Variants in EHBP1 observed in about 807,000 individuals in gnomAD.
EHBP1 encodes the protein EH domain-binding protein 1.
A neutral mutation model predicts 144.0 loss-of-function variants in EHBP1; 55 were observed. That is an observed-to-expected ratio of 0.38 (90% CI 0.31 to 0.48). The LOEUF (loss-of-function observed/expected upper bound fraction) is 0.48. EHBP1 is among the 20% of genes least tolerant of loss of function. The pLI is 0.98. For missense variants in EHBP1, 1,200 were observed against 1,364.2 expected (o/e 0.88, Z 1.90); for synonymous variants, 469 against 472.7 (o/e 0.99, Z 0.10).
chr2:62,710,428 C>T (rs1056894217), intron 2 of EHBP1, among the ~76,000 whole-genome samples: 2 of 151,486 alleles, frequency 1.3e-5, no homozygotes, highest in African/African-American at 4.8e-5. Context: ...ATTCAGAGTG[C>T]TGTAAACTTT....
At chr2:62,753,095 A>C (rs1250001060) in intron 3 of EHBP1, among the ~76,000 whole-genome samples, 2 of 152,118 alleles carry the variant, frequency 1.3e-5, no homozygotes, top group Non-Finnish European at 2.9e-5. Context: ...TCTTCCTAGC[A>C]TCGATGGTCT....
chr2:62,680,768 A>G (rs1190011198), intron 1 of EHBP1, among the ~76,000 whole-genome samples: 1 of 152,194 alleles, frequency 6.6e-6, no homozygotes, highest in Non-Finnish European at 1.5e-5. Context: ...AGCTATACAG[A>G]AAACAAGACA....
intron 5 of EHBP1, among the ~76,000 whole-genome samples, chr2:62,800,577 G>A (rs937289756): frequency 6.6e-6 from 1 of 152,144 alleles, no homozygotes; most frequent in Non-Finnish European, 1.5e-5. Context: ...GGATGTAGTT[G>A]TTGTGAAACA....
intron 15 of EHBP1, among the ~76,000 whole-genome samples, chr2:62,986,493 A>T (rs1237707772): frequency 7.4e-6 from 1 of 135,190 alleles, no homozygotes; most frequent in Non-Finnish European, 1.5e-5. Context: ...CCCAGGCTGG[A>T]GTGCAGTGGC....
chr2:62,835,849 G>T (rs1479048231), intron 7 of EHBP1, among the ~76,000 whole-genome samples: 1 of 152,106 alleles, frequency 6.6e-6, no homozygotes, highest in Non-Finnish European at 1.5e-5. Flanking sequence ...CTACGCCCAC[G>T]GAATCTGGCT....
intron 5 of EHBP1, among the ~76,000 whole-genome samples, chr2:62,819,813 A>G (rs1317752585): frequency 6.6e-6 from 1 of 152,136 alleles, no homozygotes; most frequent in Non-Finnish European, 1.5e-5. Flanking sequence ...TCCATCAACA[A>G]TAAAATGGAT....
At chr2:62,892,632 A>G (rs921617028) in intron 10 of EHBP1, among the ~76,000 whole-genome samples, 6 of 152,102 alleles carry the variant, frequency 3.9e-5, no homozygotes, top group Admixed American at 3.3e-4. Context: ...CTACGTAGCA[A>G]AACTTTACCT....
At chr2:62,733,845 G>A (rs1218000201) in intron 2 of EHBP1, among the ~76,000 whole-genome samples, 1 of 152,116 alleles carries the variant, frequency 6.6e-6, no homozygotes, top group Non-Finnish European at 1.5e-5. Context: ...CCAACCTCTA[G>A]TAATTGGTCA....
At chr2:62,793,984 T>C (rs2043353811) in intron 5 of EHBP1, among the ~76,000 whole-genome samples, 1 of 152,126 alleles carries the variant, frequency 6.6e-6, no homozygotes, top group Non-Finnish European at 1.5e-5. Context: ...GTCCAGATCA[T>C]ATGTGGCCAG....
chr2:62,873,716 A>G (rs563085316), intron 9 of EHBP1, among the ~76,000 whole-genome samples: 5 of 152,292 alleles, frequency 3.3e-5, no homozygotes, highest in African/African-American at 1.2e-4. Flanking sequence ...ACAACTACAT[A>G]GAAAAGATGA....
chr2:62,745,662 C>T (rs899808697), intron 2 of EHBP1, among the ~76,000 whole-genome samples: 6 of 151,872 alleles, frequency 4.0e-5, no homozygotes, highest in African/African-American at 1.5e-4. Flanking sequence ...GCCTTACAAG[C>T]CGTGTTGAGA....
chr2:62,732,589 TC>T (rs975342821), intron 2 of EHBP1, among the ~76,000 whole-genome samples: 45 of 152,216 alleles, frequency 3.0e-4, no homozygotes, highest in African/African-American at 1.0e-3. Flanking sequence ...CTCTCTTCCT[TC>T]TCCTCTGGCC....
intron 1 of EHBP1, among the ~76,000 whole-genome samples, chr2:62,690,544 C>A (rs2151745442): frequency 6.6e-6 from 1 of 152,092 alleles, no homozygotes; most frequent in African/African-American, 2.4e-5. Context: ...GCCTGGGCGA[C>A]AGAGCAAGAC....
chr2:62,758,350 C>G (rs1272949220), intron 3 of EHBP1, among the ~76,000 whole-genome samples: 1 of 152,136 alleles, frequency 6.6e-6, no homozygotes, highest in Non-Finnish European at 1.5e-5. Flanking sequence ...CTCAGATGAG[C>G]CGCCCGCCTC....
At chr2:62,875,192 C>T (rs1298433629) in intron 10 of EHBP1, among the ~76,000 whole-genome samples, 1 of 152,188 alleles carries the variant, frequency 6.6e-6, no homozygotes, top group Non-Finnish European at 1.5e-5. Context: ...TGGGCATGAA[C>T]CTCACTGCTG....
intron 7 of EHBP1, among the ~76,000 whole-genome samples, chr2:62,843,222 A>G (rs1239504964): frequency 4.6e-5 from 7 of 152,188 alleles, no homozygotes; most frequent in Non-Finnish European, 2.9e-5. Context: ...TCTGAAACAT[A>G]TTAGGAATTG....
At chr2:62,871,644 A>C (rs1296264696) in intron 9 of EHBP1, among the ~76,000 whole-genome samples, 1 of 152,200 alleles carries the variant, frequency 6.6e-6, no homozygotes, top group Non-Finnish European at 1.5e-5. Context: ...ACCTTTCATC[A>C]AGCAAAAAGC....
chr2:63,024,812 CAG>C (rs1303479648), intron 19 of EHBP1, among the ~76,000 whole-genome samples: 1 of 151,754 alleles, frequency 6.6e-6, no homozygotes, highest in Non-Finnish European at 1.5e-5. Context: ...GCCTGGGCAA[CAG>C]AGTGAAACCC....
At chr2:62,720,108 T>C (rs2036079712) in intron 2 of EHBP1, among the ~76,000 whole-genome samples, 1 of 152,166 alleles carries the variant, frequency 6.6e-6, no homozygotes, top group Non-Finnish European at 1.5e-5. Flanking sequence ...CTAAAACAGG[T>C]GCTAAGTTTT....
Sources: gnomAD v4.1 joint callset for allele counts (sites outside exome capture counted in the v4.1 genomes callset) on GRCh38, gnomAD v4.1.1 for gene constraint, MANE v1.5 for transcripts, NCBI Gene and HGNC (gene_info 2026-07-23, HGNC 2026-07-21) for gene names.